The following TBC1D5 variants were observed in gnomAD, a reference collection of about 807,000 sequenced individuals.
The protein encoded by TBC1D5 is TBC1 domain family member 5.
A neutral mutation model predicts 100.3 loss-of-function variants in TBC1D5; 75 were observed. That is an observed-to-expected ratio of 0.75 (90% CI 0.62 to 0.91). The LOEUF (loss-of-function observed/expected upper bound fraction) is 0.91, where lower values mean the gene tolerates loss of function less well. Ranked by LOEUF, TBC1D5 falls within the 40% of genes least tolerant of loss-of-function variation. The pLI, the probability that TBC1D5 is intolerant of heterozygous loss-of-function variation, is 0.00. For synonymous variants in TBC1D5, 323 were observed against 325.6 expected (o/e 0.99, Z 0.09); for missense variants, 910 against 942.4 (o/e 0.97, Z 0.45).
At chr3:17,442,217 AT>A (rs2149553431) in intron 3 of TBC1D5, among the ~76,000 whole-genome samples, 1 of 152,298 alleles carries the variant, frequency 6.6e-6, no homozygotes, top group African/African-American at 2.4e-5. Flanking sequence ...GTGGAAAGAA[AT>A]CTCTTTCTTT....
In TBC1D5 at chr3:17,317,707, C is replaced by T. The variant is rs141968174; in HGVS notation, c.996-9573G>A. On this transcript the variant is annotated intron_variant, in intron 13 of 21. Transcript: ENST00000253692. ...AACTCAATGTTTTAAAATAATCACA[C>T]GCAATTTCTGATAATGGCAAATACC... is the stretch of plus-strand genomic sequence containing the variant. 9.2e-5 allele frequency among the ~76,000 whole-genome samples: 14 copies of T among 152,220 alleles called. No individual in the cohort carries two copies. In the East Asian group the frequency reaches 1.2e-3, roughly 13 times the overall value.
intron 15 of TBC1D5, among the ~76,000 whole-genome samples, chr3:17,287,740 T>A (rs2081315067): frequency 1.3e-5 from 2 of 152,228 alleles, no homozygotes; most frequent in Admixed American, 1.3e-4. Flanking sequence ...AAAGGCTATC[T>A]CTGATATAAA....
chr3:17,738,825 C>G (rs117125756), intron 1 of TBC1D5, among the ~76,000 whole-genome samples: 2,523 of 152,282 alleles, frequency 0.017, 52 homozygotes, highest in South Asian at 0.048. Flanking sequence ...TGATGATAAT[C>G]TCTGAGCCTC....
At chr3:17,500,273 A>G (rs2095768877) in intron 3 of TBC1D5, among the ~76,000 whole-genome samples, 1 of 149,640 alleles carries the variant, frequency 6.7e-6, no homozygotes, top group East Asian at 1.9e-4. Flanking sequence ...AATGAAAAAA[A>G]CATCAGAAGT....
At chr3:17,561,248 G>A (rs2096557073) in intron 2 of TBC1D5, among the ~76,000 whole-genome samples, 1 of 152,044 alleles carries the variant, frequency 6.6e-6, no homozygotes, top group Non-Finnish European at 1.5e-5. Context: ...AAGGTTAAAA[G>A]CTAATTAAAG....
intron 13 of TBC1D5, among the ~76,000 whole-genome samples, chr3:17,356,555 A>C (rs2091227455): frequency 6.6e-6 from 1 of 152,224 alleles, no homozygotes; most frequent in Non-Finnish European, 1.5e-5. Context: ...AACTGGAAAA[A>C]ATTATAATAA....
intron 2 of TBC1D5, among the ~76,000 whole-genome samples, chr3:17,563,387 A>G (rs1207410962): frequency 6.6e-6 from 1 of 152,222 alleles, no homozygotes; most frequent in African/African-American, 2.4e-5. Flanking sequence ...ATTACCAAGA[A>G]AAGGGTACAG....
At chr3:17,188,024 G>T (rs900100642) in intron 18 of TBC1D5, among the ~76,000 whole-genome samples, 2 of 152,242 alleles carry the variant, frequency 1.3e-5, no homozygotes, top group African/African-American at 4.8e-5. Flanking sequence ...AACTGGGTAG[G>T]AAGAACTTAG....
At chr3:17,279,252 C>G (rs1351606197) in intron 15 of TBC1D5, among the ~76,000 whole-genome samples, 1 of 152,144 alleles carries the variant, frequency 6.6e-6, no homozygotes, top group African/African-American at 2.4e-5. Flanking sequence ...AATAGTTGTT[C>G]ATGGGTCCTG....
chr3:17,621,752 T>C (rs1560303806), intron 2 of TBC1D5, among the ~76,000 whole-genome samples: 3 of 152,138 alleles, frequency 2.0e-5, no homozygotes. Context: ...TTCTATGTTC[T>C]GGATTCTAGC....
intron 4 of TBC1D5, among the ~76,000 whole-genome samples, chr3:17,423,656 G>A (rs1370103530): frequency 6.6e-6 from 1 of 151,802 alleles, no homozygotes; most frequent in African/African-American, 2.4e-5. Context: ...TTTCTTAAGA[G>A]TACAGCTCTG....
rs13062805 is a variant in TBC1D5, at chr3:17,532,572, T to A, written c.-35-23967A>T. 3.1e-4 allele frequency among the ~76,000 whole-genome samples: 47 copies of A among 152,162 alleles called. No homozygotes were observed. In the East Asian group the frequency reaches 4.0e-3, roughly 13 times the overall value. On this transcript the variant is annotated intron_variant, in intron 2 of 21. Transcript: ENST00000253692. ...TGTGGCACTATTCACAATAGCAAAGTCTTGGAACCAACCCAAATGTCCAAC... is the reference window on the plus strand; with the variant it reads ...TGTGGCACTATTCACAATAGCAAAGACTTGGAACCAACCCAAATGTCCAAC...
intron 3 of TBC1D5, among the ~76,000 whole-genome samples, chr3:17,469,426 T>C (rs1490156086): frequency 1.3e-5 from 2 of 151,942 alleles, no homozygotes; most frequent in African/African-American, 2.4e-5. Flanking sequence ...GTATAGCCAC[T>C]CATTCACATG....
chr3:17,653,075 G>A (rs1289580166), intron 1 of TBC1D5, among the ~76,000 whole-genome samples: 2 of 152,134 alleles, frequency 1.3e-5, no homozygotes, highest in Non-Finnish European at 2.9e-5. Context: ...CCACTTACAT[G>A]AAATATCTAT....
intron 1 of TBC1D5, among the ~76,000 whole-genome samples, chr3:17,635,779 T>C (rs1044387897): frequency 5.3e-5 from 8 of 152,176 alleles, no homozygotes; most frequent in Non-Finnish European, 8.8e-5. Context: ...TGTGATGAGT[T>C]TAAGATGGAA....
At chr3:17,246,387 T>A (rs2076738421) in intron 16 of TBC1D5, among the ~76,000 whole-genome samples, 1 of 152,168 alleles carries the variant, frequency 6.6e-6, no homozygotes, top group South Asian at 2.1e-4. Flanking sequence ...GTAACTCCAA[T>A]CAAAATCCCA....
intron 2 of TBC1D5, among the ~76,000 whole-genome samples, chr3:17,532,031 C>T (rs151117566): frequency 0.069 from 10,433 of 152,164 alleles, 702 homozygotes; most frequent in African/African-American, 0.18. Context: ...AAGAAACTAC[C>T]GTCAGAGTGA....
intron 13 of TBC1D5, among the ~76,000 whole-genome samples, chr3:17,366,368 C>G (rs2092129336): frequency 6.6e-6 from 1 of 151,908 alleles, no homozygotes; most frequent in Non-Finnish European, 1.5e-5. Flanking sequence ...CAATGCCTAG[C>G]CCTCAGGAAA....
At chr3:17,239,922 T>C (rs2076174289) in intron 16 of TBC1D5, among the ~76,000 whole-genome samples, 1 of 152,204 alleles carries the variant, frequency 6.6e-6, no homozygotes, top group African/African-American at 2.4e-5. Flanking sequence ...TTAATAGAAA[T>C]GAAATAGCTC....
Sources: gnomAD v4.1 joint callset for allele counts (sites outside exome capture counted in the v4.1 genomes callset) on GRCh38, gnomAD v4.1.1 for gene constraint, MANE v1.5 for transcripts, NCBI Gene and HGNC (gene_info 2026-07-23, HGNC 2026-07-21) for gene names.